MPDZ: variants seen among roughly 807,000 people sequenced by gnomAD.
The protein encoded by MPDZ is multiple PDZ domain crumbs cell polarity complex component.
In MPDZ, 234 loss-of-function variants were observed where a neutral mutation model predicts 239.1. The ratio of observed to expected loss-of-function variants is 0.98; its 90% CI spans 0.88 to 1.09. MPDZ has a LOEUF of 1.09. Among genes scored for constraint, MPDZ ranks in the 50% least tolerant of loss-of-function variants. The pLI is 0.00. For missense variants in MPDZ, 3,175 were observed against 2,510.0 expected, an observed-to-expected ratio of 1.26 and a Z score of -5.66; for synonymous variants, 1,048 against 881.3, an observed-to-expected ratio of 1.19 and a Z score of -3.35.
At chr9:13,255,254 T>G (rs1969154786) in intron 1 of MPDZ, among the ~76,000 whole-genome samples, 1 of 152,210 alleles carries the variant, frequency 6.6e-6, no homozygotes, top group African/African-American at 2.4e-5. Flanking sequence ...ATTCTAGTTC[T>G]CTTGCTATTT....
chr9:13,239,358 T>C (rs1260339861), intron 3 of MPDZ, among the ~76,000 whole-genome samples: 2 of 152,186 alleles, frequency 1.3e-5, no homozygotes, highest in African/African-American at 4.8e-5. Flanking sequence ...TTAACCTCTC[T>C]ATAACCCCAT....
At chr9:13,174,382 C>T (rs1212714093) in intron 21 of MPDZ, among the ~76,000 whole-genome samples, 1 of 152,126 alleles carries the variant, frequency 6.6e-6, no homozygotes, top group Admixed American at 6.6e-5. Context: ...TGAGTAAATA[C>T]ACTAGAATAA....
chr9:13,241,259 C>A (rs918339579), intron 3 of MPDZ, among the ~76,000 whole-genome samples: 1 of 152,110 alleles, frequency 6.6e-6, no homozygotes, highest in Non-Finnish European at 1.5e-5. Flanking sequence ...ACTAGAGTCT[C>A]GAGAAATAGA....
chr9:13,235,631 T>A (rs1315832248), intron 3 of MPDZ, among the ~76,000 whole-genome samples: 6 of 152,230 alleles, frequency 3.9e-5, no homozygotes, highest in African/African-American at 1.2e-4. Flanking sequence ...AGCCTTTGAC[T>A]ATCATTTGCT....
At chr9:13,208,438 C>A (rs1452174588) in intron 10 of MPDZ, among the ~76,000 whole-genome samples, 3 of 150,906 alleles carry the variant, frequency 2.0e-5, no homozygotes, top group Non-Finnish European at 4.4e-5. Context: ...CAGAGTGAGA[C>A]CCTGTCTTAC....
At chr9:13,184,839 G>A (rs1953874149) in intron 18 of MPDZ, among the ~76,000 whole-genome samples, 1 of 151,894 alleles carries the variant, frequency 6.6e-6, no homozygotes, top group African/African-American at 2.4e-5. Flanking sequence ...CAAAGAAATT[G>A]AGTGACCAGT....
chr9:13,200,477 T>C (rs1055165540), intron 12 of MPDZ, among the ~76,000 whole-genome samples: 5 of 152,044 alleles, frequency 3.3e-5, no homozygotes, highest in African/African-American at 4.8e-5. Context: ...CGGGTTTGGT[T>C]TGTTCTTGCT....
chr9:13,157,481 C>T (rs1175334994), intron 24 of MPDZ, among the ~76,000 whole-genome samples: 1 of 152,124 alleles, frequency 6.6e-6, no homozygotes, highest in Non-Finnish European at 1.5e-5. Context: ...AGCATAAACA[C>T]ATCAGTATGT....
chr9:13,252,091 C>T (rs1968192066), intron 1 of MPDZ, among the ~76,000 whole-genome samples: 1 of 152,080 alleles, frequency 6.6e-6, no homozygotes, highest in African/African-American at 2.4e-5. Flanking sequence ...TCAGTATATT[C>T]CATATAGATA....
At chr9:13,127,172 A>C in intron 32 of MPDZ, among the ~76,000 whole-genome samples, 1 of 152,236 alleles carries the variant, frequency 6.6e-6, no homozygotes, top group East Asian at 1.9e-4. Context: ...GCTTGGAAAT[A>C]ACAACAGGGT....
At chr9:13,161,624 G>A (rs780613694) in intron 23 of MPDZ, among the ~76,000 whole-genome samples, 1 of 152,060 alleles carries the variant, frequency 6.6e-6, no homozygotes, top group African/African-American at 2.4e-5. Context: ...CAGAGTGCTT[G>A]CAAGGCCATT....
At chr9:13,240,580 TAAAA>T (rs71331533) in intron 3 of MPDZ, among the ~76,000 whole-genome samples, 42 of 44,020 alleles carry the variant, frequency 9.5e-4, no homozygotes, top group Non-Finnish European at 1.2e-3. Context: ...ATAATAAAAG[TAAAA>T]AAAAAAAAAA....
intron 3 of MPDZ, among the ~76,000 whole-genome samples, chr9:13,236,959 T>TACTG (rs1346714132): frequency 6.6e-6 from 1 of 152,104 alleles, no homozygotes; most frequent in Non-Finnish European, 1.5e-5. Flanking sequence ...TTCTTATTAT[T>TACTG]GTTACTGGGT....
chr9:13,141,291 C>A (rs1947631607), intron 27 of MPDZ, among the ~76,000 whole-genome samples: 1 of 152,078 alleles, frequency 6.6e-6, no homozygotes, highest in Admixed American at 6.6e-5. Context: ...ACCTTTGGAA[C>A]CTGAGGCTAC....
intron 32 of MPDZ, among the ~76,000 whole-genome samples, chr9:13,131,490 T>G (rs1455063176): frequency 2.0e-5 from 3 of 152,152 alleles, no homozygotes; most frequent in African/African-American, 7.2e-5. Flanking sequence ...GCCTGTTGTA[T>G]GGCAGGAGTG....
chr9:13,258,436 G>GT (rs1265107908), intron 1 of MPDZ, among the ~76,000 whole-genome samples: 1 of 152,174 alleles, frequency 6.6e-6, no homozygotes, highest in African/African-American at 2.4e-5. Flanking sequence ...CTCAGCATCT[G>GT]TTTTTGCATT....
Position 13,162,792 on chromosome 9 carries a change from A to T in MPDZ, c.3258T>A (p.Ile1086=), listed in dbSNP as rs764667224. The T allele has an allele frequency of 3.1e-6, 5 of 1,606,750 alleles. No homozygotes were observed. Among genetic ancestry groups the T allele is most frequent in the Non-Finnish European group, 4.3e-6 (5 of 1,174,776 alleles). ...RHSLIGPDIK[I]TYVPAEHLEE... is the part of the protein sequence containing the mutation. ...CCAAATGTTCTGCAGGCACATAAGTAATTCTGGAACAAACCAGAATCCATG... is the reference window on the plus strand; with the variant it reads ...CCAAATGTTCTGCAGGCACATAAGTTATTCTGGAACAAACCAGAATCCATG... Residue 1086 remains isoleucine, a synonymous_variant, in exon 23 of 47, where the codon ATT becomes ATA. Transcript: ENST00000319217.
intron 12 of MPDZ, among the ~76,000 whole-genome samples, chr9:13,203,298 C>T (rs932818092): frequency 6.6e-6 from 1 of 152,130 alleles, no homozygotes; most frequent in Non-Finnish European, 1.5e-5. Context: ...CTATCTCTTT[C>T]CACACTTCCT....
At chr9:13,227,686 A>G (rs985788603) in intron 3 of MPDZ, among the ~76,000 whole-genome samples, 3 of 152,280 alleles carry the variant, frequency 2.0e-5, no homozygotes, top group South Asian at 2.1e-4. Context: ...TGAGAGCAGA[A>G]CAAGTAAAAT....
Sources: allele counts gnomAD v4.1 joint callset (sites outside exome capture counted in the v4.1 genomes callset), GRCh38; gene constraint gnomAD v4.1.1; transcripts MANE v1.5; gene names NCBI Gene and HGNC (gene_info 2026-07-23, HGNC 2026-07-21).